POC5: variants seen among roughly 807,000 people sequenced by gnomAD.
The protein encoded by POC5 is centrosomal protein POC5.
In POC5, 48 loss-of-function variants were observed where a neutral mutation model predicts 62.9. The observed-to-expected ratio is 0.76, with a 90% CI of 0.61 to 0.97. The LOEUF (loss-of-function observed/expected upper bound fraction) is 0.97, where lower values mean the gene tolerates loss of function less well. POC5 is among the 50% of genes least tolerant of loss of function. The pLI is 0.00. For synonymous variants in POC5, 236 were observed against 228.2 expected (o/e 1.03, Z -0.31); for missense variants, 696 against 679.5 (o/e 1.02, Z -0.27).
rs1197542923 is a variant in POC5, at chr5:75,682,075, G to C, written c.1407+3132C>G. ...GGCCCTAAAGGCCACTTACTTATGTGACTGAAATGGAGTGTGTATCTGTTT... is the reference window on the plus strand; with the variant it reads ...GGCCCTAAAGGCCACTTACTTATGTCACTGAAATGGAGTGTGTATCTGTTT... On this transcript the variant is annotated intron_variant, in intron 10 of 11. Transcript: ENST00000428202. Among the ~76,000 whole-genome samples the C allele has an allele frequency of 1.2e-4, 18 of 152,356 alleles. No individual in the cohort carries two copies. The East Asian group carries it at 3.3e-3, about 28-fold the overall frequency.
chr5:75,710,603 C>T (rs1279858561), intron 2 of POC5, among the ~76,000 whole-genome samples: 2 of 152,162 alleles, frequency 1.3e-5, no homozygotes, highest in South Asian at 2.1e-4. Flanking sequence ...ACAAAGAGAG[C>T]CCTCACCAGA....
At chr5:75,706,623 G>C (rs1342774954) in intron 3 of POC5, among the ~76,000 whole-genome samples, 1 of 151,646 alleles carries the variant, frequency 6.6e-6, no homozygotes, top group Non-Finnish European at 1.5e-5. Flanking sequence ...AAGTGCAGTG[G>C]CATAATCATG....
Position 75,703,007 on chromosome 5 carries a change from T to C in POC5, c.308-197A>G, listed in dbSNP as rs372236011. On this transcript the variant is annotated intron_variant, in intron 4 of 11. Transcript: ENST00000428202. ...TGATTTAGCACAGACTGGCATGAGA[T>C]ACCTCCTATACTCCCAATCCCTTCT... 2.0e-4 allele frequency among the ~76,000 whole-genome samples: 31 copies of C among 152,304 alleles called. No individual in the cohort carries two copies. In the East Asian group the frequency reaches 3.5e-3, roughly 17 times the overall value.
In POC5 at chr5:75,689,281, C is replaced by T. The variant is rs1158665242; in HGVS notation, c.976-116G>A. 3 of 1,384,068 alleles carry T rather than the reference C, an allele frequency of 2.2e-6. No homozygotes were observed. The Admixed American group carries it at 9.4e-5, about 43-fold the overall frequency. The allele number at this position is 1,384,068 out of a possible 1,614,324, so 85.7% of individuals were successfully genotyped here. On this transcript the variant is annotated intron_variant, in intron 8 of 11. Transcript: ENST00000428202. ...ATGTGAAATATTAAAAAGTTTGTCA[C>T]TTACCTCTTCTGCTATGTGCAATTT... is the stretch of plus-strand genomic sequence containing the variant.
Position 75,674,403 on chromosome 5 carries a change from G to C in POC5, c.*32C>G. The C allele has an allele frequency of 6.2e-7, 1 of 1,607,098 alleles. No homozygotes were observed. The highest frequency in any genetic ancestry group is 8.5e-7 in the Non-Finnish European group (1 of 1,175,694). Reference sequence around the variant, plus strand: ...TTCTAACCCTTGGTAAGACCAGAGGGATTAAAAGACCCCACTATGGACATA... The same window carrying C: ...TTCTAACCCTTGGTAAGACCAGAGGCATTAAAAGACCCCACTATGGACATA... On this transcript the variant is annotated 3_prime_UTR_variant, in exon 12 of 12. Coordinates refer to ENST00000428202, the MANE Select transcript of POC5 (RefSeq NM_001099271.2).
intron 11 of POC5, among the ~76,000 whole-genome samples, chr5:75,676,228 C>G (rs1342255938): frequency 6.6e-6 from 1 of 152,232 alleles, no homozygotes; most frequent in Non-Finnish European, 1.5e-5. Context: ...CACAAATGGA[C>G]AGTCTCTCAC....
At chr5:75,686,311 G>A (rs749194323) in intron 9 of POC5, among the ~76,000 whole-genome samples, 6 of 152,184 alleles carry the variant, frequency 3.9e-5, no homozygotes, top group Non-Finnish European at 5.9e-5. Context: ...TAGAAATTCA[G>A]TCAATGAGCT....
chr5:75,689,454 T>C (rs1049611221), intron 8 of POC5: 2 of 984,656 alleles, frequency 2.0e-6, no homozygotes, highest in African/African-American at 3.5e-5. Context: ...AGATACACCA[T>C]TTTTTACTGT....
At chr5:75,689,808 C>T (rs1776247475) in intron 8 of POC5, 1 of 279,278 alleles carries the variant, frequency 3.6e-6, no homozygotes, top group African/African-American at 2.3e-5. Context: ...GATTTTATTT[C>T]ATTTCAATTC....
chr5:75,690,582 A>C lies in POC5; in HGVS notation c.796-20T>G. The C allele has an allele frequency of 6.6e-7, 1 of 1,507,094 alleles. No individual in the cohort carries two copies. Among genetic ancestry groups the C allele is most frequent in the Non-Finnish European group, 9.0e-7 (1 of 1,115,972 alleles). The allele number at this position is 1,507,094 out of a possible 1,614,324, so 93.4% of individuals were successfully genotyped here. A position where few individuals can be genotyped will look rare whatever the true frequency, so the allele number is the denominator to read the frequency against. ...ATAAACCTAAATAAAAGTAAAATATAACTTCAAAAACACAGTTGATTGATA... is the reference window on the plus strand; with the variant it reads ...ATAAACCTAAATAAAAGTAAAATATCACTTCAAAAACACAGTTGATTGATA... On this transcript the variant is annotated intron_variant, in intron 7 of 11. Transcript: ENST00000428202.
intron 5 of POC5, among the ~76,000 whole-genome samples, chr5:75,698,891 C>T (rs1447655991): frequency 6.6e-6 from 1 of 152,054 alleles, no homozygotes; most frequent in Admixed American, 6.5e-5. Context: ...GGGATATCAC[C>T]ACCAATCCCA....
At chr5:75,690,069 G>A (rs1005226708) in intron 8 of POC5, among the ~76,000 whole-genome samples, 15 of 151,916 alleles carry the variant, frequency 9.9e-5, no homozygotes, top group African/African-American at 2.9e-4. Flanking sequence ...TAGTAGAGAC[G>A]GGGTTTCACC....
At chr5:75,710,459 G>A (rs1777296876) in intron 2 of POC5, among the ~76,000 whole-genome samples, 1 of 152,114 alleles carries the variant, frequency 6.6e-6, no homozygotes, top group African/African-American at 2.4e-5. Context: ...GTCATTGGTT[G>A]GGGCCCTGAG....
intron 4 of POC5, among the ~76,000 whole-genome samples, chr5:75,703,771 G>A (rs1777002357): frequency 6.6e-6 from 1 of 152,114 alleles, no homozygotes; most frequent in Non-Finnish European, 1.5e-5. Flanking sequence ...CTATATGTAT[G>A]TGCATATATA....
chr5:75,680,714 C>T (rs1775836363), intron 10 of POC5, among the ~76,000 whole-genome samples: 2 of 151,690 alleles, frequency 1.3e-5, no homozygotes, highest in African/African-American at 4.8e-5. Context: ...GAAAGAAAAA[C>T]CTAGAAGGAT....
intron 8 of POC5, among the ~76,000 whole-genome samples, chr5:75,689,929 T>C: frequency 6.6e-6 from 1 of 152,196 alleles, no homozygotes; most frequent in Non-Finnish European, 1.5e-5. Flanking sequence ...TCTTGTTGCC[T>C]AGGTTGGAGT....
intron 2 of POC5, among the ~76,000 whole-genome samples, chr5:75,712,088 T>C (rs1485921052): frequency 6.6e-6 from 1 of 152,214 alleles, no homozygotes; most frequent in Non-Finnish European, 1.5e-5. Flanking sequence ...ACCTTCCCCA[T>C]TTTGAAATCC....
chr5:75,711,585 A>AT (rs986967581), intron 2 of POC5, among the ~76,000 whole-genome samples: 89 of 151,884 alleles, frequency 5.9e-4, no homozygotes, highest in Middle Eastern at 3.4e-3. Flanking sequence ...TATTTTTAAG[A>AT]TTTTTTTTTG....
chr5:75,694,339 C>CT (rs1014544313), intron 6 of POC5, among the ~76,000 whole-genome samples: 22 of 152,030 alleles, frequency 1.4e-4, no homozygotes, highest in Admixed American at 3.3e-4. Flanking sequence ...AGCACATACT[C>CT]TTTTTAAAAA....
Sources: gnomAD v4.1 joint callset for allele counts (sites outside exome capture counted in the v4.1 genomes callset) on GRCh38, gnomAD v4.1.1 for gene constraint, MANE v1.5 for transcripts, NCBI Gene and HGNC (gene_info 2026-07-23, HGNC 2026-07-21) for gene names.